Variants in COL6A1 observed in about 807,000 individuals in gnomAD.
COL6A1 encodes the protein collagen type VI alpha 1 chain.
A neutral mutation model predicts 145.6 loss-of-function variants in COL6A1; 80 were observed. That is an observed-to-expected ratio of 0.55 (90% CI 0.46 to 0.66). COL6A1 has a LOEUF of 0.66. COL6A1 is among the 30% of genes least tolerant of loss of function. The probability of loss-of-function intolerance (pLI) is 0.00; values close to 1 mark genes in which losing one functional copy is unlikely to be tolerated. For synonymous variants in COL6A1, 638 were observed against 622.8 expected (o/e 1.02, Z -0.36); for missense variants, 1,364 against 1,473.8 (o/e 0.93, Z 1.22).
chr21:45,986,474 CT>C, intron 3 of COL6A1, 51 bp from the exon 4 acceptor site: 1 of 1,541,090 alleles, frequency 6.5e-7, no homozygotes, highest in Non-Finnish European at 8.8e-7. Context: ...TTGGGTCTCC[CT>C]CCAGTTCCCC....
At chr21:45,993,709 G>C (rs1463068772) in intron 19 of COL6A1, among the ~76,000 whole-genome samples, 1 of 152,148 alleles carries the variant, frequency 6.6e-6, no homozygotes, top group African/African-American at 2.4e-5. Flanking sequence ...GAGGGGTCGG[G>C]GGGACGTCAA....
chr21:45,995,155 C>T (rs974790778), intron 20 of COL6A1, among the ~76,000 whole-genome samples: 5 of 152,226 alleles, frequency 3.3e-5, no homozygotes, highest in African/African-American at 9.6e-5. Flanking sequence ...ATACCTGTGT[C>T]ATAGATGAGG....
At chr21:45,997,324 C>A (rs1052772862) in intron 20 of COL6A1, 97 bp from the exon 21 acceptor site, 12 of 1,160,544 alleles carry the variant, frequency 1.0e-5, no homozygotes, top group African/African-American at 1.5e-5. Flanking sequence ...CCTGGGGGCC[C>A]TGATGCCTCT....
chr21:45,996,534 C>T (rs1405740213), intron 20 of COL6A1, among the ~76,000 whole-genome samples: 2 of 152,162 alleles, frequency 1.3e-5, no homozygotes, highest in Non-Finnish European at 2.9e-5. Context: ...CCGGACAGGC[C>T]TCATCGGGAA....
Position 46,004,639 on chromosome 21 carries a change from A to G in COL6A1, c.*626A>G, listed in dbSNP as rs750305064. The G allele has an allele frequency of 2.3e-6, 1 of 432,354 alleles. No individual in the cohort carries two copies. The highest frequency in any genetic ancestry group is 1.6e-5 in the South Asian group (1 of 61,124). 26.8% of individuals were successfully genotyped at this position (432,354 alleles called of 1,614,324 possible). ...CCAAGGTCAGGAGGCCGTTGCAGAC[A>G]TAAATCTCGGCGACTCGGCCCCGTC... On this transcript the variant is annotated 3_prime_UTR_variant, in exon 35 of 35. Coordinates refer to ENST00000361866, the MANE Select transcript of COL6A1 (RefSeq NM_001848.3).
chr21:46,000,661 CCGGGGAGG>C, intron 28 of COL6A1, 90 bp from the exon 29 acceptor site: 3 of 40,412 alleles, frequency 7.4e-5, no homozygotes, highest in Non-Finnish European at 1.1e-4. Context: ...AGGAGGGCGG[CCGGGGAGG>C]CGGGGAGGCT....
chr21:45,989,483 G>T, intron 9 of COL6A1, 125 bp from the exon 10 acceptor site: 1 of 1,003,362 alleles, frequency 1.0e-6, no homozygotes. Flanking sequence ...CATGGGCCCC[G>T]TGCAGCAGGG....
In COL6A1 at chr21:45,987,505, T is replaced by C; in HGVS notation, c.745T>C (p.Ser249Pro). The C allele has an allele frequency of 1.2e-6, 2 of 1,612,996 alleles. No homozygotes were observed. The highest frequency in any genetic ancestry group is 1.7e-6 in the Non-Finnish European group (2 of 1,179,988). The change falls in exon 7 of 35, where the codon TCC becomes CCC. Residue 249 changes from serine (S) to proline (P), a missense_variant. Coordinates refer to ENST00000361866, the MANE Select transcript of COL6A1 (RefSeq NM_001848.3). ...IKNNVEQVCC[S>P]FECQPARGPP... ...CCATGCTTTCCCCCCACAGTGCTGC[T>C]CCTTCGAATGCCAGGTGAGTGTGCC... is the stretch of plus-strand genomic sequence containing the variant.
intron 1 of COL6A1, 87 bp from the exon 2 acceptor site, chr21:45,982,547 C>G: frequency 6.3e-7 from 1 of 1,589,238 alleles, no homozygotes; most frequent in Non-Finnish European, 8.6e-7. Context: ...GTGCTGCAGG[C>G]GCTGGGCTGG....
At chr21:45,996,578 C>CCGAGCAGGCACAGGCCAGGGACAGGCG in intron 20 of COL6A1, among the ~76,000 whole-genome samples, 1 of 151,946 alleles carries the variant, frequency 6.6e-6, no homozygotes, top group African/African-American at 2.4e-5. Context: ...GGACAGGCGT[C>CCGAGCAGGCACAGGCCAGGGACAGGCG]TGAGCAGGCA....
At chr21:45,987,271 GC>G in intron 6 of COL6A1, 96 bp downstream of exon 6, 1 of 1,558,136 alleles carries the variant, frequency 6.4e-7, no homozygotes, top group East Asian at 2.3e-5. Flanking sequence ...ATGCATATCC[GC>G]CCATGTGCCC....
chr21:46,003,195 G>T, intron 34 of COL6A1, 46 bp downstream of exon 34: 2 of 1,613,670 alleles, frequency 1.2e-6, no homozygotes, highest in East Asian at 2.2e-5. Context: ...GGGCACCGTG[G>T]TTGGGGCGAG....
At chr21:45,989,489 C>T in intron 9 of COL6A1, 119 bp from the exon 10 acceptor site, 3 of 1,042,150 alleles carry the variant, frequency 2.9e-6, no homozygotes, top group South Asian at 1.3e-5. Flanking sequence ...CCCCGTGCAG[C>T]AGGGCCCCTC....
rs886043521 is a variant in COL6A1 at position 45,998,951 on chromosome 21, G to A, written c.1666G>A (p.Gly556Arg). ...KGDEGEAGDPGDDNNDIAPRG... is the reference protein window; with the variant it reads ...KGDEGEAGDPRDDNNDIAPRG... ...GGACGAGGGAGAAGCCGGGGACCCC[G>A]GAGACGATGTAAGTGTGGATGGGAG... is the stretch of plus-strand genomic sequence containing the variant. Residue 556 changes from glycine (G) to arginine (R), a missense_variant, in exon 25 of 35, where the codon GGA (glycine) becomes AGA (arginine). Physicochemically the swap from Gly to Arg is moderately radical, Grantham distance 125 (BLOSUM62 -2). Coordinates refer to ENST00000361866, the MANE Select transcript of COL6A1 (RefSeq NM_001848.3). The A allele has an allele frequency of 1.9e-6, 3 of 1,553,872 alleles. No homozygotes were observed. The highest frequency in any genetic ancestry group is 1.4e-5 in the African/African-American group (1 of 73,586).
chr21:46,001,161 T>C, intron 29 of COL6A1, 92 bp from the exon 30 acceptor site: 2 of 1,531,718 alleles, frequency 1.3e-6, no homozygotes, highest in Non-Finnish European at 1.8e-6. Context: ...GGTGAGGATG[T>C]GGCAGCCAAG....
At chr21:45,999,085 T>C (rs1317524588) in intron 25 of COL6A1, 68 bp from the exon 26 acceptor site, 1 of 1,544,862 alleles carries the variant, frequency 6.5e-7, no homozygotes, top group East Asian at 2.4e-5. Context: ...GGATGCTCTG[T>C]GGACGGGGCC....
intron 12 of COL6A1, 21 bp downstream of exon 12, chr21:45,990,305 G>C (rs553845812): frequency 1.2e-6 from 2 of 1,612,624 alleles, no homozygotes; most frequent in Non-Finnish European, 1.7e-6. Context: ...GCTGCTGGGA[G>C]GGGGGAGTTC....
intron 20 of COL6A1, among the ~76,000 whole-genome samples, 165 bp from the exon 21 acceptor site, chr21:45,997,256 C>T (rs569572416): frequency 1.2e-4 from 18 of 146,758 alleles, no homozygotes; most frequent in Admixed American, 2.1e-4. Flanking sequence ...GCAGGCCCTT[C>T]GTCAGACCCA....
rs915097076 is a variant in COL6A1 at position 45,994,734 on chromosome 21, C to T, written c.1398+505C>T. ...TCCGAGCCTCTGGAATCGCTGTGCA[C>T]GCCGCACGGCTTTCTGTCTCTTCCC... On this transcript the variant is annotated intron_variant, in intron 20 of 34. Transcript: ENST00000361866. This position sits in a 1 kb window ranked among gnomAD's most constrained non-coding sequence, Gnocchi z 6.8. Among the ~76,000 whole-genome samples, 14 of 152,202 alleles carry T rather than the reference C, an allele frequency of 9.2e-5. No homozygotes were observed. Among genetic ancestry groups the T allele is most frequent in the African/African-American group, 1.7e-4 (7 of 41,446 alleles).
Sources: gnomAD v4.1 joint callset for allele counts (sites outside exome capture counted in the v4.1 genomes callset) on GRCh38, gnomAD v4.1.1 for gene constraint, Gnocchi (gnomAD v3.1) non-coding constraint, MANE v1.5 for transcripts, NCBI Gene and HGNC (gene_info 2026-07-23, HGNC 2026-07-21) for gene names.